DGKI: variants seen among roughly 807,000 people sequenced by gnomAD.
The protein encoded by DGKI is DAG kinase iota.
In DGKI, 55 loss-of-function variants were observed where a neutral mutation model predicts 147.5. The observed-to-expected ratio is 0.37, with a 90% CI of 0.30 to 0.47. The LOEUF (loss-of-function observed/expected upper bound fraction) is 0.47. DGKI is among the 20% of genes least tolerant of loss of function. DGKI has a pLI of 1.00. For synonymous variants in DGKI, 469 were observed against 477.1 expected (o/e 0.98, Z 0.22); for missense variants, 1,007 against 1,323.8 (o/e 0.76, Z 3.71).
intron 30 of DGKI, among the ~76,000 whole-genome samples, chr7:137,403,015 A>C (rs970373310): frequency 6.6e-6 from 1 of 151,932 alleles, no homozygotes; most frequent in Admixed American, 6.6e-5. Flanking sequence ...AAAAGAGCAG[A>C]GTGTGCAGGG....
intron 1 of DGKI, among the ~76,000 whole-genome samples, chr7:137,826,398 C>T (rs1798058475): frequency 6.6e-6 from 1 of 152,208 alleles, no homozygotes; most frequent in South Asian, 2.1e-4. Context: ...CACAATGTTG[C>T]ACTCCATTTA....
chr7:137,501,722 G>C (rs115556913), intron 21 of DGKI, among the ~76,000 whole-genome samples: 1 of 152,100 alleles, frequency 6.6e-6, no homozygotes, highest in Non-Finnish European at 1.5e-5. Flanking sequence ...ACAACAGATG[G>C]AACTCTGAGG....
chr7:137,687,119 A>C (rs1163761232), intron 2 of DGKI, among the ~76,000 whole-genome samples: 2 of 152,264 alleles, frequency 1.3e-5, no homozygotes, highest in South Asian at 4.1e-4. Flanking sequence ...CCCAAGAGTC[A>C]AGTGGGGAAA....
At chr7:137,695,824 G>A (rs1381598846) in intron 1 of DGKI, among the ~76,000 whole-genome samples, 2 of 152,192 alleles carry the variant, frequency 1.3e-5, no homozygotes, top group Non-Finnish European at 2.9e-5. Flanking sequence ...AAGAGGACAT[G>A]TTTACTAGGC....
chr7:137,482,549 C>A (rs926416638), intron 23 of DGKI, among the ~76,000 whole-genome samples: 13 of 151,906 alleles, frequency 8.6e-5, no homozygotes, highest in African/African-American at 3.1e-4. Flanking sequence ...TACTCACCAA[C>A]CCCCTTGGAT....
At chr7:137,425,898 G>C (rs1159725839) in intron 28 of DGKI, among the ~76,000 whole-genome samples, 4 of 152,156 alleles carry the variant, frequency 2.6e-5, no homozygotes, top group Non-Finnish European at 5.9e-5. Context: ...ATGGGACTAT[G>C]TGAAAAGACC....
At chr7:137,787,285 T>G (rs911836472) in intron 1 of DGKI, among the ~76,000 whole-genome samples, 19 of 150,794 alleles carry the variant, frequency 1.3e-4, no homozygotes, top group African/African-American at 4.6e-4. Flanking sequence ...GAAAAAAAAA[T>G]CCCATCAAAA....
At chr7:137,468,141 A>G (rs961242947) in intron 24 of DGKI, among the ~76,000 whole-genome samples, 3 of 152,182 alleles carry the variant, frequency 2.0e-5, no homozygotes, top group African/African-American at 7.2e-5. Flanking sequence ...AAATTCACAA[A>G]CATTTAATGA....
At chr7:137,649,773 G>GTATATATATA (rs146209874) in intron 5 of DGKI, among the ~76,000 whole-genome samples, 15 of 142,062 alleles carry the variant, frequency 1.1e-4, no homozygotes, top group African/African-American at 3.8e-4. Context: ...ATATATATAT[G>GTATATATATA]TATATATATA....
chr7:137,835,709 G>A (rs1798358003), intron 1 of DGKI, among the ~76,000 whole-genome samples: 2 of 152,106 alleles, frequency 1.3e-5, no homozygotes, highest in Non-Finnish European at 2.9e-5. Context: ...AATGCAATAT[G>A]GATTTAGAAT....
intron 2 of DGKI, among the ~76,000 whole-genome samples, chr7:137,687,161 G>A (rs898584401): frequency 2.6e-5 from 4 of 152,078 alleles, no homozygotes; most frequent in Non-Finnish European, 5.9e-5. Context: ...GTCCCTGCTG[G>A]ACCCCATCTG....
chr7:137,524,900 G>A (rs1464842765), intron 20 of DGKI, among the ~76,000 whole-genome samples: 1 of 152,050 alleles, frequency 6.6e-6, no homozygotes, highest in African/African-American at 2.4e-5. Context: ...CCAGTTCCTG[G>A]ACTCCCCTTC....
chr7:137,530,068 T>C (rs138227938), intron 20 of DGKI, among the ~76,000 whole-genome samples: 1 of 152,278 alleles, frequency 6.6e-6, no homozygotes, highest in African/African-American at 2.4e-5. Flanking sequence ...TAACTTTTTA[T>C]TACCAGAGTC....
chr7:137,527,278 T>C (rs909928544), intron 20 of DGKI, among the ~76,000 whole-genome samples: 2 of 152,198 alleles, frequency 1.3e-5, no homozygotes, highest in African/African-American at 2.4e-5. Flanking sequence ...CTAGCGCTTC[T>C]GCAATTTCCA....
chr7:137,453,574 C>G (rs967178114), intron 27 of DGKI, among the ~76,000 whole-genome samples: 1 of 152,162 alleles, frequency 6.6e-6, no homozygotes, highest in Non-Finnish European at 1.5e-5. Context: ...AAAGTTACAG[C>G]AAACACACAG....
At chr7:137,517,299 G>GA (rs1307868649) in intron 21 of DGKI, among the ~76,000 whole-genome samples, 1 of 96,976 alleles carries the variant, frequency 1.0e-5, no homozygotes, top group African/African-American at 4.4e-5. Flanking sequence ...AAGAAAGAAA[G>GA]AAAGAAAGAA....
At chr7:137,818,636 T>C (rs1206510253) in intron 1 of DGKI, among the ~76,000 whole-genome samples, 2 of 152,016 alleles carry the variant, frequency 1.3e-5, no homozygotes, top group Admixed American at 6.5e-5. Flanking sequence ...AGTGACGGGG[T>C]TTCACCATGT....
At chr7:137,709,679 A>C (rs1409015849) in intron 1 of DGKI, among the ~76,000 whole-genome samples, 2 of 152,290 alleles carry the variant, frequency 1.3e-5, no homozygotes, top group East Asian at 3.9e-4. Flanking sequence ...GAATTCCAAA[A>C]AAGTACCAAG....
intron 1 of DGKI, among the ~76,000 whole-genome samples, chr7:137,692,414 A>G (rs1184545242): frequency 6.6e-6 from 1 of 152,232 alleles, no homozygotes; most frequent in Non-Finnish European, 1.5e-5. Context: ...ATCTTGGTTT[A>G]ATGAGAAAAA....
Sources: allele counts gnomAD v4.1 joint callset (sites outside exome capture counted in the v4.1 genomes callset), GRCh38; gene constraint gnomAD v4.1.1; transcripts MANE v1.5; gene names NCBI Gene and HGNC (gene_info 2026-07-23, HGNC 2026-07-21).